RELN: variants seen among roughly 807,000 people sequenced by gnomAD.
RELN encodes reelin.
In RELN, 108 loss-of-function variants were observed where a neutral mutation model predicts 427.6. The ratio of observed to expected loss-of-function variants is 0.25; its 90% CI spans 0.22 to 0.30. RELN has a LOEUF of 0.30. Ranked by LOEUF, RELN falls within the 10% of genes least tolerant of loss-of-function variation. RELN has a pLI of 1.00. For missense variants in RELN, 3,715 were observed against 4,302.8 expected, an observed-to-expected ratio of 0.86 and a Z score of 3.82; for synonymous variants, 1,524 against 1,513.4, an observed-to-expected ratio of 1.01 and a Z score of -0.16.
intron 3 of RELN, among the ~76,000 whole-genome samples, chr7:103,814,649 C>T (rs1792825591): frequency 6.6e-6 from 1 of 152,024 alleles, no homozygotes; most frequent in African/African-American, 2.4e-5. Context: ...GGGTGGAGCT[C>T]AGCCTGCAAT....
At chr7:103,860,417 T>C (rs1794045232) in intron 2 of RELN, among the ~76,000 whole-genome samples, 1 of 152,180 alleles carries the variant, frequency 6.6e-6, no homozygotes, top group Non-Finnish European at 1.5e-5. Flanking sequence ...AACCTGAATG[T>C]TTAGATGCAG....
rs1797042223 is a variant in RELN, at chr7:103,983,861, T to C, written c.226+5270A>G. On this transcript the variant is annotated intron_variant, in intron 1 of 64. Transcript: ENST00000428762. ...CTATGTGACACAAAGAACTTCATAT[T>C]TCTGTGTGTGTGTGTGTGTGTGTGT... Among the ~76,000 whole-genome samples the C allele has an allele frequency of 4.3e-5, 4 of 93,880 alleles. No individual in the cohort carries two copies. In the South Asian group the frequency reaches 1.6e-3, roughly 37 times the overall value. 61.6% of individuals were successfully genotyped at this position (93,880 alleles called of 152,430 possible).
intron 8 of RELN, among the ~76,000 whole-genome samples, chr7:103,717,530 G>A (rs1327096258): frequency 6.6e-6 from 1 of 151,254 alleles, no homozygotes; most frequent in Admixed American, 6.6e-5. Context: ...TGGAAATTAA[G>A]TCTTAAATCT....
chr7:103,627,911 C>T (rs956558586), intron 20 of RELN: 1 of 152,186 alleles, frequency 6.6e-6, no homozygotes, highest in South Asian at 2.1e-4. Context: ...AATTAAACTG[C>T]TGTTATCATG....
intron 20 of RELN, among the ~76,000 whole-genome samples, chr7:103,621,818 C>A (rs1237628948): frequency 2.0e-5 from 3 of 152,086 alleles, no homozygotes; most frequent in Admixed American, 6.6e-5. Context: ...GAGTTTGAGA[C>A]CACCTTGGGC....
intron 2 of RELN, among the ~76,000 whole-genome samples, chr7:103,834,660 A>G (rs1323992408): frequency 3.3e-5 from 5 of 152,204 alleles, no homozygotes; most frequent in African/African-American, 2.4e-5. Flanking sequence ...TACCTCACCA[A>G]AAATGATACA....
At position 103,924,977 on chromosome 7, in the gene RELN, C is replaced by T. The variant is rs910807532; in HGVS notation, c.227-7792G>A. On this transcript the variant is annotated intron_variant, in intron 1 of 64. Transcript: ENST00000428762. ...GCACTCTCTCTCTGACACACGTGTG[C>T]ATGCGCATACACATACACACACACA... Among the ~76,000 whole-genome samples the T allele has an allele frequency of 4.9e-4, 69 of 142,146 alleles. 1 individual carries two copies. The highest frequency in any genetic ancestry group is 6.9e-3 in the Middle Eastern group (2 of 288). The allele number at this position is 142,146 out of a possible 152,430, so 93.3% of individuals were successfully genotyped here.
intron 2 of RELN, among the ~76,000 whole-genome samples, chr7:103,895,831 GA>G: frequency 6.6e-6 from 1 of 151,272 alleles, no homozygotes; most frequent in African/African-American, 2.4e-5. Flanking sequence ...TATCATACAA[GA>G]AAAAAATGAT....
intron 28 of RELN, among the ~76,000 whole-genome samples, chr7:103,577,582 T>C (rs564725420): frequency 2.0e-5 from 3 of 149,282 alleles, no homozygotes; most frequent in African/African-American, 5.0e-5. Flanking sequence ...AAAAGTACAA[T>C]TGTCTTAGTG....
chr7:103,893,574 A>G (rs1794895362), intron 2 of RELN, among the ~76,000 whole-genome samples: 1 of 152,186 alleles, frequency 6.6e-6, no homozygotes, highest in African/African-American at 2.4e-5. Context: ...GATCTAATGT[A>G]TATATAGATA....
chr7:103,666,829 T>A (rs187898455), intron 11 of RELN, among the ~76,000 whole-genome samples: 1 of 152,222 alleles, frequency 6.6e-6, no homozygotes, highest in Non-Finnish European at 1.5e-5. Context: ...CACACTTGAA[T>A]CAATGAGAGA....
At chr7:103,916,295 T>A (rs541542727) in intron 2 of RELN, among the ~76,000 whole-genome samples, 1 of 152,234 alleles carries the variant, frequency 6.6e-6, no homozygotes, top group African/African-American at 2.4e-5. Context: ...ACTTTGTGTC[T>A]GATAATGCAA....
chr7:103,801,595 G>C (rs1193481202), intron 3 of RELN, among the ~76,000 whole-genome samples: 1 of 151,950 alleles, frequency 6.6e-6, no homozygotes, highest in Admixed American at 6.6e-5. Flanking sequence ...TGGGGGGCAG[G>C]GAGAGGGATA....
intron 2 of RELN, among the ~76,000 whole-genome samples, chr7:103,860,836 T>C (rs976863625): frequency 3.3e-5 from 5 of 152,200 alleles, no homozygotes; most frequent in Non-Finnish European, 7.3e-5. Context: ...TCTGGTCAAC[T>C]TCCTCCAAGT....
In RELN at chr7:103,953,497, T is replaced by C. The variant is rs1796372953; in HGVS notation, c.226+35634A>G. 6.6e-6 allele frequency among the ~76,000 whole-genome samples: 1 copy of C among 152,198 alleles called. No individual in the cohort carries two copies. The highest frequency in any genetic ancestry group is 2.4e-5 in the African/African-American group (1 of 41,460). ...TCACATTTTGGCAGTGCTGATATTTTTAAGGCACTGGTAGGGGGACATACA... is the reference window on the plus strand; with the variant it reads ...TCACATTTTGGCAGTGCTGATATTTCTAAGGCACTGGTAGGGGGACATACA... On this transcript the variant is annotated intron_variant, in intron 1 of 64. Coordinates refer to ENST00000428762, the MANE Select transcript of RELN (RefSeq NM_005045.4). The surrounding 1 kb of genome is among the most constrained non-coding windows in gnomAD (Gnocchi z 4.3).
Position 103,820,221 on chromosome 7 carries a change from A to G in RELN, c.473+13316T>C, listed in dbSNP as rs1204194655. 5.9e-5 allele frequency among the ~76,000 whole-genome samples: 9 copies of G among 152,156 alleles called. No homozygotes were observed. In the East Asian group the frequency reaches 1.7e-3, roughly 29 times the overall value. Reference sequence around the variant, plus strand: ...ATTTGGATTTATTTATAAAATTATAAAAGTAGTAATAGCACTTCATTTTAA... The same window carrying G: ...ATTTGGATTTATTTATAAAATTATAGAAGTAGTAATAGCACTTCATTTTAA... On this transcript the variant is annotated intron_variant, in intron 3 of 64. Coordinates refer to ENST00000428762, the MANE Select transcript of RELN (RefSeq NM_005045.4).
intron 10 of RELN, among the ~76,000 whole-genome samples, chr7:103,697,194 C>T (rs1299333807): frequency 6.6e-6 from 1 of 152,066 alleles, no homozygotes; most frequent in Non-Finnish European, 1.5e-5. Flanking sequence ...GTGTCTGTAC[C>T]CTTGTCACTT....
intron 17 of RELN, among the ~76,000 whole-genome samples, chr7:103,638,407 G>A (rs1263510640): frequency 6.6e-6 from 1 of 152,162 alleles, no homozygotes; most frequent in Non-Finnish European, 1.5e-5. Context: ...AAGTGTTAGA[G>A]GGAACATGAG....
intron 2 of RELN, among the ~76,000 whole-genome samples, chr7:103,836,889 A>C (rs1584282466): frequency 6.6e-6 from 1 of 152,168 alleles, no homozygotes; most frequent in East Asian, 1.9e-4. Flanking sequence ...TAAAAGCACA[A>C]AGCAGGTCTA....
Sources: gnomAD v4.1 joint callset for allele counts (sites outside exome capture counted in the v4.1 genomes callset) on GRCh38, gnomAD v4.1.1 for gene constraint, Gnocchi (gnomAD v3.1) non-coding constraint, MANE v1.5 for transcripts, NCBI Gene and HGNC (gene_info 2026-07-23, HGNC 2026-07-21) for gene names.